Variants in MAST4 observed in about 807,000 individuals in gnomAD.
MAST4 encodes the protein microtubule-associated serine/threonine-protein kinase 4.
Under a neutral mutation model 162.7 loss-of-function variants are expected in MAST4, and 89 were observed. The observed-to-expected ratio is 0.55, with a 90% CI of 0.46 to 0.65. The LOEUF (loss-of-function observed/expected upper bound fraction) is 0.65. Ranked by LOEUF, MAST4 falls within the 30% of genes least tolerant of loss-of-function variation. The pLI is 0.00. For synonymous variants in MAST4, 1,479 were observed against 1,361.1 expected, an observed-to-expected ratio of 1.09 and a Z score of -1.91; for missense variants, 3,153 against 3,374.0, an observed-to-expected ratio of 0.93 and a Z score of 1.62.
chr5:66,979,224 T>C (rs1946260), intron 4 of MAST4, among the ~76,000 whole-genome samples: 25,126 of 152,056 alleles, frequency 0.17, 3,681 homozygotes, highest in African/African-American at 0.39. Context: ...AGATGCACCC[T>C]AGGGAGAATG....
intron 3 of MAST4, among the ~76,000 whole-genome samples, chr5:66,856,265 G>A (rs1339876870): frequency 2.0e-5 from 3 of 152,196 alleles, no homozygotes; most frequent in Non-Finnish European, 4.4e-5. Flanking sequence ...AAGGGTGCAG[G>A]GAGAACCTGC....
At chr5:66,703,369 A>G (rs1038765855) in intron 1 of MAST4, among the ~76,000 whole-genome samples, 1 of 152,226 alleles carries the variant, frequency 6.6e-6, no homozygotes, top group African/African-American at 2.4e-5. Flanking sequence ...ACCATCTTAT[A>G]TGTATGCATG....
chr5:67,014,364 A>G (rs4016246), intron 4 of MAST4, among the ~76,000 whole-genome samples: 32,584 of 152,126 alleles, frequency 0.21, 3,921 homozygotes, highest in Non-Finnish European at 0.27. Flanking sequence ...TTGATGTCAA[A>G]TGGCCTTAGT....
intron 4 of MAST4, among the ~76,000 whole-genome samples, chr5:66,900,879 C>A (rs1762967313): frequency 6.6e-6 from 1 of 152,124 alleles, no homozygotes; most frequent in African/African-American, 2.4e-5. Flanking sequence ...GTGAACATTT[C>A]ATTACTGTCC....
intron 4 of MAST4, among the ~76,000 whole-genome samples, chr5:66,959,671 A>G (rs1200246577): frequency 6.6e-6 from 1 of 152,240 alleles, no homozygotes; most frequent in East Asian, 1.9e-4. Context: ...TCTGCATTGA[A>G]TAATAGAAGA....
At chr5:67,083,063 G>T (rs1762851306) in intron 5 of MAST4, among the ~76,000 whole-genome samples, 2 of 152,100 alleles carry the variant, frequency 1.3e-5, no homozygotes, top group South Asian at 4.2e-4. Context: ...AATATTAGAG[G>T]AATAAATATC....
At chr5:66,878,375 T>G (rs1375400624) in intron 3 of MAST4, among the ~76,000 whole-genome samples, 3 of 152,230 alleles carry the variant, frequency 2.0e-5, no homozygotes, top group African/African-American at 7.2e-5. Context: ...AGTATCATGT[T>G]GTGTTTTGGG....
rs188480293 is a variant in MAST4 at position 66,972,044 on chromosome 5, A to G, written c.674+72062A>G. 5.5e-3 allele frequency among the ~76,000 whole-genome samples: 842 copies of G among 152,348 alleles called. 6 individuals are homozygous for G. The highest frequency in any genetic ancestry group is 8.4e-3 in the Admixed American group (128 of 15,300). ...CATTTCTCCAGCAGTAACATAGATA[A>G]TAATGCCTCTTGGAGGTGGTGTAAG... is the stretch of plus-strand genomic sequence containing the variant. On this transcript the variant is annotated intron_variant, in intron 4 of 28. Coordinates refer to ENST00000403625, the MANE Select transcript of MAST4 (RefSeq NM_001164664.2).
At chr5:66,646,255 T>A (rs79494808) in intron 1 of MAST4, among the ~76,000 whole-genome samples, 3 of 62,138 alleles carry the variant, frequency 4.8e-5, no homozygotes, top group Non-Finnish European at 6.8e-5. Context: ...TTTAAAAAAA[T>A]GTTTTATGGT....
At chr5:67,036,987 C>G (rs1237821770) in intron 4 of MAST4, among the ~76,000 whole-genome samples, 1 of 151,874 alleles carries the variant, frequency 6.6e-6, no homozygotes, top group African/African-American at 2.4e-5. Flanking sequence ...CAGAAAAAGG[C>G]CAAAAAGAAA....
intron 1 of MAST4, among the ~76,000 whole-genome samples, chr5:66,678,599 A>G (rs903908114): frequency 2.6e-5 from 4 of 151,708 alleles, no homozygotes; most frequent in African/African-American, 7.3e-5. Context: ...GGTTCAAGCA[A>G]TTCTCCTGCC....
intron 1 of MAST4, among the ~76,000 whole-genome samples, chr5:66,707,360 G>T (rs1002391803): frequency 6.6e-6 from 1 of 152,182 alleles, no homozygotes; most frequent in Non-Finnish European, 1.5e-5. Flanking sequence ...CCTGGGTTGG[G>T]CTGCCGTTCA....
chr5:66,993,733 A>C (rs192421507), intron 4 of MAST4, among the ~76,000 whole-genome samples: 2 of 152,322 alleles, frequency 1.3e-5, no homozygotes, highest in East Asian at 3.9e-4. Context: ...TAAACAACAG[A>C]GGGCACTTGT....
chr5:66,712,673 T>C (rs933028579), intron 1 of MAST4, among the ~76,000 whole-genome samples: 2 of 152,274 alleles, frequency 1.3e-5, no homozygotes, highest in African/African-American at 4.8e-5. Flanking sequence ...TTCCAGGAAA[T>C]ACCCTTTGAA....
At chr5:66,783,060 C>T (rs1754951028) in intron 2 of MAST4, among the ~76,000 whole-genome samples, 1 of 152,144 alleles carries the variant, frequency 6.6e-6, no homozygotes, top group African/African-American at 2.4e-5. Context: ...TAAAATATCC[C>T]ATGTGTTGTA....
At chr5:66,765,372 C>T (rs1042366204) in intron 2 of MAST4, among the ~76,000 whole-genome samples, 1 of 152,138 alleles carries the variant, frequency 6.6e-6, no homozygotes, top group African/African-American at 2.4e-5. Context: ...CTATGCATAT[C>T]CTCCTGTAAG....
At chr5:67,093,239 A>G (rs1404104379) in intron 6 of MAST4, among the ~76,000 whole-genome samples, 1 of 152,082 alleles carries the variant, frequency 6.6e-6, no homozygotes, top group Non-Finnish European at 1.5e-5. Flanking sequence ...TTTTCATTTA[A>G]TGTAACACCA....
At chr5:67,146,113 A>G (rs1284743559) in intron 23 of MAST4, among the ~76,000 whole-genome samples, 1 of 152,230 alleles carries the variant, frequency 6.6e-6, no homozygotes, top group Non-Finnish European at 1.5e-5. Flanking sequence ...TTGGAGTAAG[A>G]AACTCTGGGT....
At chr5:66,744,114 G>A (rs1024608900) in intron 1 of MAST4, among the ~76,000 whole-genome samples, 8 of 151,754 alleles carry the variant, frequency 5.3e-5, no homozygotes, top group African/African-American at 1.9e-4. Context: ...CCTTTAAGAA[G>A]AAATAAAGCT....
Sources: allele counts gnomAD v4.1 joint callset (sites outside exome capture counted in the v4.1 genomes callset), GRCh38; gene constraint gnomAD v4.1.1; transcripts MANE v1.5; gene names NCBI Gene and HGNC (gene_info 2026-07-23, HGNC 2026-07-21).